LINGO2: variants seen among roughly 807,000 people sequenced by gnomAD.
LINGO2 encodes the protein leucine rich repeat and Ig domain containing 2.
LINGO2 carries 14 observed loss-of-function variants against 30.6 expected under a neutral mutation model. The observed-to-expected ratio is 0.46, with a 90% confidence interval of 0.30 to 0.72. The LOEUF (loss-of-function observed/expected upper bound fraction) is 0.72. Among genes scored for constraint, LINGO2 ranks in the 30% least tolerant of loss-of-function variants. The probability of loss-of-function intolerance (pLI) is 0.07; values close to 1 mark genes in which losing one functional copy is unlikely to be tolerated. For missense variants in LINGO2, 729 were observed against 751.7 expected (o/e 0.97, Z 0.35); for synonymous variants, 317 against 288.5 (o/e 1.10, Z -1.00).
chr9:28,706,907 C>G, the LINGO2 span, among the ~76,000 whole-genome samples: 1 of 151,990 alleles, frequency 6.6e-6, no homozygotes, highest in Non-Finnish European at 1.5e-5. Context: ...ATCTAAAACA[C>G]TTTCTCGACA....
chr9:28,568,199 C>CA (rs1249082475), intron 1 of LINGO2, among the ~76,000 whole-genome samples: 1 of 151,724 alleles, frequency 6.6e-6, no homozygotes, highest in African/African-American at 2.4e-5. Flanking sequence ...GCCACTGGAG[C>CA]AAAAAAATCT....
At chr9:28,891,272 A>G in the LINGO2 span, among the ~76,000 whole-genome samples, 1 of 151,942 alleles carries the variant, frequency 6.6e-6, no homozygotes, top group Non-Finnish European at 1.5e-5. Flanking sequence ...GCCTCACATT[A>G]TATTTAATCT....
chr9:28,482,905 T>C (rs1486879312), intron 1 of LINGO2, among the ~76,000 whole-genome samples: 2 of 152,078 alleles, frequency 1.3e-5, no homozygotes, highest in Admixed American at 6.6e-5. Context: ...GAAGAAAACC[T>C]AGGCATTACC....
At chr9:28,852,259 A>G in the LINGO2 span, among the ~76,000 whole-genome samples, 186 of 152,056 alleles carry the variant, frequency 1.2e-3, 1 homozygote, top group South Asian at 3.7e-3. Flanking sequence ...ATAGATCTAG[A>G]TATTATCTAA....
chr9:28,846,447 C>A, the LINGO2 span, among the ~76,000 whole-genome samples: 1 of 126,388 alleles, frequency 7.9e-6, no homozygotes, highest in Non-Finnish European at 1.7e-5. Context: ...CGATTTATTG[C>A]AGTTTCTGAG....
chr9:28,233,301 C>G (rs1002092941), intron 4 of LINGO2, among the ~76,000 whole-genome samples: 1 of 151,730 alleles, frequency 6.6e-6, no homozygotes, highest in Non-Finnish European at 1.5e-5. Flanking sequence ...AGCAACTAAA[C>G]ATACATTTAC....
chr9:28,393,150 C>A (rs1587604198), intron 2 of LINGO2, among the ~76,000 whole-genome samples: 1 of 152,180 alleles, frequency 6.6e-6, no homozygotes, highest in East Asian at 1.9e-4. Flanking sequence ...TGTTTACTTT[C>A]TTTTAATAGG....
intron 4 of LINGO2, among the ~76,000 whole-genome samples, chr9:28,017,401 C>T (rs773748134): frequency 6.6e-6 from 1 of 152,160 alleles, no homozygotes; most frequent in African/African-American, 2.4e-5. Flanking sequence ...ATCAAAGTAT[C>T]TCTGTTTGCA....
chr9:28,884,706 T>TA, the LINGO2 span, among the ~76,000 whole-genome samples: 1 of 145,370 alleles, frequency 6.9e-6, no homozygotes, highest in Non-Finnish European at 1.5e-5. Flanking sequence ...TGTATATATA[T>TA]ATATACAAAT....
the LINGO2 span, among the ~76,000 whole-genome samples, chr9:29,185,900 A>G: frequency 7.2e-5 from 11 of 152,326 alleles, no homozygotes; most frequent in African/African-American, 2.4e-4. Flanking sequence ...AATCCAAAAA[A>G]GACCACTAGA....
intron 1 of LINGO2, among the ~76,000 whole-genome samples, chr9:28,498,156 G>T (rs1276207177): frequency 6.6e-6 from 1 of 152,154 alleles, no homozygotes; most frequent in East Asian, 1.9e-4. Context: ...CAAACTCCGT[G>T]CTGGGAGAAC....
chr9:28,893,552 T>A, the LINGO2 span, among the ~76,000 whole-genome samples: 3 of 152,030 alleles, frequency 2.0e-5, no homozygotes, highest in Admixed American at 2.0e-4. Context: ...TAATCATTTG[T>A]CTGTGTCCTT....
chr9:28,883,660 A>G, the LINGO2 span, among the ~76,000 whole-genome samples: 1 of 126,340 alleles, frequency 7.9e-6, no homozygotes, highest in African/African-American at 2.9e-5. Flanking sequence ...ATATATATAT[A>G]TATATATATT....
chr9:28,662,038 C>A (rs1828604425), intron 1 of LINGO2, among the ~76,000 whole-genome samples: 1 of 152,174 alleles, frequency 6.6e-6, no homozygotes, highest in Non-Finnish European at 1.5e-5. Context: ...GATTCTCCCA[C>A]AGGGAACTCA....
the LINGO2 span, among the ~76,000 whole-genome samples, chr9:29,165,901 T>G: frequency 1.3e-5 from 2 of 152,106 alleles, no homozygotes; most frequent in Non-Finnish European, 2.9e-5. Flanking sequence ...ATTTTATATT[T>G]TAAAAGTTCT....
At chr9:28,254,461 T>C (rs1054514235) in intron 4 of LINGO2, among the ~76,000 whole-genome samples, 3 of 152,140 alleles carry the variant, frequency 2.0e-5, no homozygotes, top group Admixed American at 1.3e-4. Flanking sequence ...ACTTGATTTA[T>C]CTTCCTAGAT....
chr9:28,867,786 T>C, the LINGO2 span, among the ~76,000 whole-genome samples: 1 of 152,254 alleles, frequency 6.6e-6, no homozygotes, highest in African/African-American at 2.4e-5. Flanking sequence ...TCATGTTTTG[T>C]CTTTGCCCCA....
intron 4 of LINGO2, among the ~76,000 whole-genome samples, chr9:28,017,089 C>A (rs1305822492): frequency 2.0e-5 from 3 of 152,124 alleles, no homozygotes; most frequent in South Asian, 2.1e-4. Context: ...AAAACAAAAA[C>A]CACCTGATCA....
At chr9:28,852,220 T>C in the LINGO2 span, among the ~76,000 whole-genome samples, 1 of 151,998 alleles carries the variant, frequency 6.6e-6, no homozygotes. Context: ...TTGTTCATTA[T>C]ACATCACAAG....
Sources: allele counts gnomAD v4.1 joint callset (sites outside exome capture counted in the v4.1 genomes callset), GRCh38; gene constraint gnomAD v4.1.1; transcripts MANE v1.5; gene names NCBI Gene and HGNC (gene_info 2026-07-23, HGNC 2026-07-21).